Variants in KIF21B observed in about 807,000 individuals in gnomAD.
The protein encoded by KIF21B is kinesin-like protein KIF21B.
A neutral mutation model predicts 192.9 loss-of-function variants in KIF21B; 85 were observed. The observed-to-expected ratio is 0.44, with a 90% CI of 0.37 to 0.53. KIF21B has a LOEUF of 0.53. KIF21B is among the 20% of genes least tolerant of loss of function. The probability of loss-of-function intolerance (pLI) is 0.00; values close to 1 mark genes in which losing one functional copy is unlikely to be tolerated. For missense variants in KIF21B, 1,716 were observed against 2,194.8 expected (o/e 0.78, Z 4.36); for synonymous variants, 832 against 884.6 (o/e 0.94, Z 1.05).
rs893478611 is a variant in KIF21B at position 201,017,571 on chromosome 1, G to A, written c.41+5772C>T. Among the ~76,000 whole-genome samples, 1 of 152,246 alleles carries A rather than the reference G, an allele frequency of 6.6e-6. No homozygotes were observed. Among genetic ancestry groups the A allele is most frequent in the African/African-American group, 2.4e-5 (1 of 41,460 alleles). On this transcript the variant is annotated intron_variant, in intron 1 of 34. Transcript: ENST00000461742. This position sits in a 1 kb window ranked among gnomAD's most constrained non-coding sequence, Gnocchi z 4.1. ...CAGAGCTGTGACGGTATTGGCATCT[G>A]CATCTGGTGGGGAATGGCCAGTGGG...
intron 3 of KIF21B, among the ~76,000 whole-genome samples, chr1:201,005,924 AG>A (rs1657793392): frequency 6.6e-6 from 1 of 152,242 alleles, no homozygotes; most frequent in African/African-American, 2.4e-5. Flanking sequence ...AGGAACCAGC[AG>A]CCAGCAGCTC....
intron 3 of KIF21B, among the ~76,000 whole-genome samples, chr1:201,007,974 G>A (rs1658011768): frequency 6.6e-6 from 1 of 152,210 alleles, no homozygotes; most frequent in African/African-American, 2.4e-5. Flanking sequence ...ACCCTGCAGG[G>A]CAAGCCACCA....
At chr1:201,003,915 C>A in intron 7 of KIF21B, 134 bp from the exon 8 acceptor site, 1 of 885,464 alleles carries the variant, frequency 1.1e-6, no homozygotes, top group Non-Finnish European at 1.8e-6. Context: ...GCATTCAGGA[C>A]AGAACCTGGG....
intron 1 of KIF21B, among the ~76,000 whole-genome samples, chr1:201,015,460 G>A (rs1309475261): frequency 6.6e-6 from 1 of 152,222 alleles, no homozygotes; most frequent in Non-Finnish European, 1.5e-5. Flanking sequence ...CTGGAATCTT[G>A]AAAAGGAGCT....
rs187282846 is a variant in KIF21B, at chr1:201,003,465, T to C, written c.1212+121A>G. ...GCTCAAGAGTCATGTCCAAAGTGGA[T>C]GATGGTAATAGGGAGGTGGGAGGGA... On this transcript the variant is annotated intron_variant, in intron 8 of 34. Coordinates refer to ENST00000461742, the MANE Select transcript of KIF21B (RefSeq NM_001252102.2). 1.5e-5 allele frequency: 14 copies of C among 953,168 alleles called. No homozygotes were observed. In the East Asian group the frequency reaches 3.5e-4, roughly 24 times the overall value. The allele number at this position is 953,168 out of a possible 1,614,324, so 59.0% of individuals were successfully genotyped here. A position where few individuals can be genotyped will look rare whatever the true frequency, so the allele number is the denominator to read the frequency against.
intron 26 of KIF21B, among the ~76,000 whole-genome samples, chr1:200,985,959 C>A (rs1263377580): frequency 6.6e-6 from 1 of 151,432 alleles, no homozygotes; most frequent in Non-Finnish European, 1.5e-5. Flanking sequence ...AATTCTCCTG[C>A]CTCAGCCTCC....
Position 200,999,484 on chromosome 1 carries a change from T to G in KIF21B, c.1768-18A>C. On this transcript the variant is annotated intron_variant, in intron 12 of 34. Coordinates refer to ENST00000461742, the MANE Select transcript of KIF21B (RefSeq NM_001252102.2). The surrounding 1 kb of genome is among the most constrained non-coding windows in gnomAD (Gnocchi z 4.7). Reference sequence around the variant, plus strand: ...TCCTCCTCCTGGGCACCAGGCACCATTGGGGTGGGCCTGGCCTCAGAGAGG... The same window carrying G: ...TCCTCCTCCTGGGCACCAGGCACCAGTGGGGTGGGCCTGGCCTCAGAGAGG... 2.5e-6 allele frequency: 4 copies of G among 1,611,844 alleles called. No homozygotes were observed. Among genetic ancestry groups the G allele is most frequent in the Non-Finnish European group, 3.4e-6 (4 of 1,178,694 alleles).
chr1:201,001,074 T>C (rs925104019), intron 9 of KIF21B, among the ~76,000 whole-genome samples: 1 of 137,702 alleles, frequency 7.3e-6, no homozygotes, highest in Admixed American at 8.1e-5. Flanking sequence ...ACCATTGCAC[T>C]CCAGCCTGGG....
rs1655485076 is a variant in KIF21B, at chr1:200,975,461, T to C, written c.4614+38A>G. The C allele has an allele frequency of 6.3e-7, 1 of 1,577,380 alleles. No individual in the cohort carries two copies. ...CCTGCGTGGGCTATGGAAACCACCC[T>C]ACCCGAGTCTACCCTCTCCCTTTCC... is the stretch of plus-strand genomic sequence containing the variant. On this transcript the variant is annotated intron_variant, in intron 33 of 34. Coordinates refer to ENST00000461742, the MANE Select transcript of KIF21B (RefSeq NM_001252102.2). The surrounding 1 kb of genome is among the most constrained non-coding windows in gnomAD (Gnocchi z 4.3).
intron 8 of KIF21B, 37 bp downstream of exon 8, chr1:201,003,549 A>G (rs1657622486): frequency 6.2e-7 from 1 of 1,607,280 alleles, no homozygotes; most frequent in Non-Finnish European, 8.5e-7. Flanking sequence ...CACTAGCTCC[A>G]AGGGGAGTGC....
intron 30 of KIF21B, among the ~76,000 whole-genome samples, chr1:200,978,592 C>G (rs1452687863): frequency 6.6e-6 from 1 of 152,182 alleles, no homozygotes; most frequent in Admixed American, 6.5e-5. Context: ...GTTGCACATT[C>G]TAAGGGTTTG....
In KIF21B at chr1:201,010,917, G is replaced by A. The variant is rs1428196399; in HGVS notation, c.42-1429C>T. Reference sequence around the variant, plus strand: ...CTGGGGAGGTGGGGAAAGCCCAGCGGGGAGGGGTTGGGGGTGAGCAACACC... The same window carrying A: ...CTGGGGAGGTGGGGAAAGCCCAGCGAGGAGGGGTTGGGGGTGAGCAACACC... On this transcript the variant is annotated intron_variant, in intron 1 of 34. Transcript: ENST00000461742. Among the ~76,000 whole-genome samples, 3 of 152,228 alleles carry A rather than the reference G, an allele frequency of 2.0e-5. No homozygotes were observed. The East Asian group carries it at 5.8e-4, about 29-fold the overall frequency.
intron 2 of KIF21B, 104 bp downstream of exon 2, chr1:201,009,162 C>G: frequency 1.6e-6 from 2 of 1,250,556 alleles, no homozygotes; most frequent in East Asian, 5.0e-5. Flanking sequence ...ATAGACAAAA[C>G]CCTGAGGCTA....
chr1:200,995,250 C>T (rs1431507645), intron 15 of KIF21B, among the ~76,000 whole-genome samples: 1 of 152,212 alleles, frequency 6.6e-6, no homozygotes, highest in Non-Finnish European at 1.5e-5. Flanking sequence ...CACTGGGGAG[C>T]TCCCCTTTCC....
chr1:200,997,473 G>A (rs1486039256), intron 14 of KIF21B, among the ~76,000 whole-genome samples: 2 of 152,298 alleles, frequency 1.3e-5, no homozygotes, highest in East Asian at 1.9e-4. Flanking sequence ...GGCCAGGCAC[G>A]GTGGCTCATG....
chr1:200,986,933 T>A lies in KIF21B; in HGVS notation c.3615-15A>T. 1 of 1,612,362 alleles carries A rather than the reference T, an allele frequency of 6.2e-7. No individual in the cohort carries two copies. Among genetic ancestry groups the A allele is most frequent in the Non-Finnish European group, 8.5e-7 (1 of 1,179,078 alleles). ...ATTGCCTAGGGCTACAACAGAAGAG[T>A]CCAGTGAGGCCCAGACCCAACTCCA... is the stretch of plus-strand genomic sequence containing the variant. On this transcript the variant is annotated splice_polypyrimidine_tract_variant and intron_variant, in intron 25 of 34. Coordinates refer to ENST00000461742, the MANE Select transcript of KIF21B (RefSeq NM_001252102.2).
In KIF21B at chr1:200,982,917, G is replaced by C. The variant is rs2102391666; in HGVS notation, c.3842+139C>G. 1 of 762,090 alleles carries C rather than the reference G, an allele frequency of 1.3e-6. No homozygotes were observed. Among genetic ancestry groups the C allele is most frequent in the East Asian group, 2.7e-5 (1 of 37,236 alleles). 47.2% of individuals were successfully genotyped at this position (762,090 alleles called of 1,614,324 possible). On this transcript the variant is annotated intron_variant, in intron 28 of 34. Transcript: ENST00000461742. The surrounding 1 kb of genome is among the most constrained non-coding windows in gnomAD (Gnocchi z 4.7). ...GGGGGCAGGAACAGGTCTGGAGAGG[G>C]GGGCAGCAGGAAGGGGAGTGGAGGG...
rs1053514678 is a variant in KIF21B, at chr1:201,009,507, G to T, written c.42-19C>A. On this transcript the variant is annotated intron_variant, in intron 1 of 34. Transcript: ENST00000461742. ...CCGGATCCTGCCCATGATGGAGAGA[G>T]CCCTGGGTCAGGCCCAGCTAGAAGG... 5.6e-6 allele frequency: 9 copies of T among 1,608,806 alleles called. No homozygotes were observed. Among genetic ancestry groups the T allele is most frequent in the Non-Finnish European group, 7.6e-6 (9 of 1,177,008 alleles).
chr1:201,007,565 GACAC>G (rs1201147433), intron 3 of KIF21B, among the ~76,000 whole-genome samples: 1 of 124,502 alleles, frequency 8.0e-6, no homozygotes, highest in African/African-American at 3.1e-5. Context: ...CAAACACAGA[GACAC>G]ACACACAGAC....
Sources: gnomAD v4.1 joint callset for allele counts (sites outside exome capture counted in the v4.1 genomes callset) on GRCh38, gnomAD v4.1.1 for gene constraint, Gnocchi (gnomAD v3.1) non-coding constraint, MANE v1.5 for transcripts, NCBI Gene and HGNC (gene_info 2026-07-23, HGNC 2026-07-21) for gene names.